Variants in CDKAL1 observed in about 807,000 individuals in gnomAD.
CDKAL1 encodes CDKAL1 threonylcarbamoyladenosine tRNA methylthiotransferase, also known as threonylcarbamoyladenosine tRNA methylthiotransferase.
In CDKAL1, 32 loss-of-function variants were observed where a neutral mutation model predicts 68.2. The ratio of observed to expected loss-of-function variants is 0.47; its 90% CI spans 0.35 to 0.63. The LOEUF (loss-of-function observed/expected upper bound fraction) is 0.63, where lower values mean the gene tolerates loss of function less well. Ranked by LOEUF, CDKAL1 falls within the 30% of genes least tolerant of loss-of-function variation. The pLI is 0.00. For synonymous variants in CDKAL1, 234 were observed against 244.3 expected (o/e 0.96, Z 0.39); for missense variants, 606 against 696.7 (o/e 0.87, Z 1.47).
intron 4 of CDKAL1, among the ~76,000 whole-genome samples, chr6:20,588,383 G>C (rs1477919497): frequency 1.3e-5 from 2 of 152,158 alleles, no homozygotes; most frequent in Admixed American, 6.5e-5. Flanking sequence ...GTTTCTAGCA[G>C]CCTACGCTAC....
At chr6:20,979,241 G>A (rs928869717) in intron 10 of CDKAL1, among the ~76,000 whole-genome samples, 1 of 151,992 alleles carries the variant, frequency 6.6e-6, no homozygotes, top group Non-Finnish European at 1.5e-5. Context: ...ATTGACTCTT[G>A]GTAAAATTAG....
At chr6:20,691,884 TTA>T (rs1770885551) in intron 5 of CDKAL1, among the ~76,000 whole-genome samples, 1 of 152,214 alleles carries the variant, frequency 6.6e-6, no homozygotes, top group East Asian at 1.9e-4. Flanking sequence ...CATTTCTATT[TTA>T]TATATGTTAT....
At chr6:21,066,146 T>C (rs1457904795) in intron 12 of CDKAL1, among the ~76,000 whole-genome samples, 1 of 152,156 alleles carries the variant, frequency 6.6e-6, no homozygotes, top group Non-Finnish European at 1.5e-5. Context: ...ACACAACATA[T>C]ATATTCTTTC....
At chr6:20,881,939 CT>C (rs1760845061) in intron 9 of CDKAL1, among the ~76,000 whole-genome samples, 1 of 152,178 alleles carries the variant, frequency 6.6e-6, no homozygotes, top group African/African-American at 2.4e-5. Flanking sequence ...GTCAAACTCT[CT>C]TATCGCTGCA....
chr6:20,560,113 G>A (rs1452899098), intron 4 of CDKAL1, among the ~76,000 whole-genome samples: 1 of 152,152 alleles, frequency 6.6e-6, no homozygotes, highest in Non-Finnish European at 1.5e-5. Flanking sequence ...TATTGGGCAA[G>A]AGATGGCAAT....
At chr6:20,817,437 T>C (rs567794675) in intron 8 of CDKAL1, among the ~76,000 whole-genome samples, 2 of 152,194 alleles carry the variant, frequency 1.3e-5, no homozygotes, top group African/African-American at 2.4e-5. Context: ...TGTTAGAAGG[T>C]CAGAGAAAGT....
At chr6:21,057,012 G>C (rs904983753) in intron 11 of CDKAL1, among the ~76,000 whole-genome samples, 10 of 152,226 alleles carry the variant, frequency 6.6e-5, no homozygotes, top group African/African-American at 2.4e-4. Context: ...GCCAGATTTT[G>C]GTATCAGGAT....
chr6:20,859,229 A>G lies in CDKAL1; in HGVS notation c.742+13051A>G, dbSNP rs532365330. Among the ~76,000 whole-genome samples the G allele has an allele frequency of 4.6e-5, 7 of 152,056 alleles. No individual in the cohort carries two copies. The South Asian group carries it at 1.0e-3, about 23-fold the overall frequency. On this transcript the variant is annotated intron_variant, in intron 9 of 15. Transcript: ENST00000274695. ...CTGAAAATTTTCTTTTAACAAATAA[A>G]TGGTGTTCGCTGCACTCCAGCCTGG... is the stretch of plus-strand genomic sequence containing the variant.
At position 20,754,441 on chromosome 6, in the gene CDKAL1, A is replaced by C. The variant is rs150270017; in HGVS notation, c.469-4154A>C. Among the ~76,000 whole-genome samples, 215 of 152,326 alleles carry C rather than the reference A, an allele frequency of 1.4e-3. 1 individual carries two copies. Among genetic ancestry groups the C allele is most frequent in the African/African-American group, 4.7e-3 (195 of 41,576 alleles). Reference sequence around the variant, plus strand: ...ACATTGTTGTGTAGTCATCACCACTATCCATCTCTAGAATATTTTCATTTT... The same window carrying C: ...ACATTGTTGTGTAGTCATCACCACTCTCCATCTCTAGAATATTTTCATTTT... On this transcript the variant is annotated intron_variant, in intron 6 of 15. Transcript: ENST00000274695.
rs114575555 is a variant in CDKAL1, at chr6:20,881,127, C to T, written c.742+34949C>T. 7.1e-3 allele frequency among the ~76,000 whole-genome samples: 1,082 copies of T among 152,310 alleles called. 12 individuals are homozygous for T. Among genetic ancestry groups the T allele is most frequent in the African/African-American group, 0.025 (1,038 of 41,558 alleles). On this transcript the variant is annotated intron_variant, in intron 9 of 15. Transcript: ENST00000274695. ...ATCCCCAAACCAACAGCATTGGCAT[C>T]TTGGTTCTCAAACATTAAGGAACAG...
intron 4 of CDKAL1, among the ~76,000 whole-genome samples, chr6:20,580,805 T>C (rs1765111663): frequency 6.6e-6 from 1 of 152,110 alleles, no homozygotes; most frequent in African/African-American, 2.4e-5. Flanking sequence ...CTTTTTTTTT[T>C]TTAGATGGAG....
chr6:21,051,963 C>T (rs1415984074), intron 11 of CDKAL1, among the ~76,000 whole-genome samples: 1 of 152,108 alleles, frequency 6.6e-6, no homozygotes, highest in Non-Finnish European at 1.5e-5. Context: ...GTTGTTTCTC[C>T]CAGACAGTCA....
At chr6:20,655,089 A>G (rs1193047442) in intron 5 of CDKAL1, among the ~76,000 whole-genome samples, 1 of 152,196 alleles carries the variant, frequency 6.6e-6, no homozygotes, top group Admixed American at 6.5e-5. Context: ...TGCATCTTTT[A>G]GACTTTTTTC....
chr6:21,128,923 T>C (rs1007914615), intron 13 of CDKAL1, among the ~76,000 whole-genome samples: 115 of 152,346 alleles, frequency 7.5e-4, no homozygotes, highest in African/African-American at 2.7e-3. Flanking sequence ...TGAAACTATT[T>C]TGGACAGTTT....
intron 4 of CDKAL1, among the ~76,000 whole-genome samples, chr6:20,604,252 A>C (rs963925704): frequency 6.6e-6 from 1 of 152,104 alleles, no homozygotes; most frequent in African/African-American, 2.4e-5. Flanking sequence ...GGAGCTCTTC[A>C]TGGGTTCAAC....
At chr6:20,945,073 C>T (rs1764172065) in intron 9 of CDKAL1, among the ~76,000 whole-genome samples, 1 of 148,210 alleles carries the variant, frequency 6.7e-6, no homozygotes. Flanking sequence ...CACACACGTA[C>T]ACACACACAC....
chr6:20,575,363 A>G (rs568184402), intron 4 of CDKAL1, among the ~76,000 whole-genome samples: 2 of 145,236 alleles, frequency 1.4e-5, no homozygotes, highest in South Asian at 4.4e-4. Context: ...TGTTAGAATT[A>G]TGTCTGCGGG....
intron 11 of CDKAL1, among the ~76,000 whole-genome samples, chr6:21,003,363 T>TACACACACACACACACACACACAC (rs1561952856): frequency 1.7e-5 from 1 of 58,818 alleles, no homozygotes; most frequent in African/African-American, 1.1e-4. Flanking sequence ...TATATATATA[T>TACACACACACACACACACACACAC]ATATATATAC....
chr6:20,662,144 A>G (rs1309489524), intron 5 of CDKAL1, among the ~76,000 whole-genome samples: 1 of 152,140 alleles, frequency 6.6e-6, no homozygotes, highest in South Asian at 2.1e-4. Flanking sequence ...GACAAACATA[A>G]TCTTTCATAA....
Sources: gnomAD v4.1 joint callset for allele counts (sites outside exome capture counted in the v4.1 genomes callset) on GRCh38, gnomAD v4.1.1 for gene constraint, MANE v1.5 for transcripts, NCBI Gene and HGNC (gene_info 2026-07-23, HGNC 2026-07-21) for gene names.